Variants in MACROD2 observed in about 807,000 individuals in gnomAD.
The protein encoded by MACROD2 is mono-ADP ribosylhydrolase 2, also known as ADP-ribose glycohydrolase MACROD2.
Under a neutral mutation model 70.4 loss-of-function variants are expected in MACROD2, and 36 were observed. The observed-to-expected ratio is 0.51, with a 90% CI of 0.39 to 0.68. MACROD2 has a LOEUF of 0.68. Among genes scored for constraint, MACROD2 ranks in the 30% least tolerant of loss-of-function variants. The pLI is 0.00. For missense variants in MACROD2, 496 were observed against 538.4 expected, an observed-to-expected ratio of 0.92 and a Z score of 0.78; for synonymous variants, 172 against 178.8, an observed-to-expected ratio of 0.96 and a Z score of 0.30.
At chr20:15,338,315 A>T (rs1425043526) in intron 6 of MACROD2, among the ~76,000 whole-genome samples, 3 of 151,544 alleles carry the variant, frequency 2.0e-5, no homozygotes, top group Non-Finnish European at 2.9e-5. Context: ...GTTTTTCTTC[A>T]TATGCTGATG....
At chr20:15,701,315 T>A (rs1191650094) in intron 8 of MACROD2, among the ~76,000 whole-genome samples, 1 of 152,348 alleles carries the variant, frequency 6.6e-6, no homozygotes, top group Middle Eastern at 3.4e-3. Context: ...TACAAAAGTA[T>A]GGAGCTGATG....
At chr20:15,972,668 G>T (rs2066248629) in intron 13 of MACROD2, among the ~76,000 whole-genome samples, 1 of 152,048 alleles carries the variant, frequency 6.6e-6, no homozygotes, top group African/African-American at 2.4e-5. Context: ...AAATTAGCAA[G>T]GCACGGTGGT....
chr20:14,874,124 T>A (rs1194644150), intron 5 of MACROD2, among the ~76,000 whole-genome samples: 1 of 152,028 alleles, frequency 6.6e-6, no homozygotes, highest in Non-Finnish European at 1.5e-5. Context: ...TCTGTCTTTT[T>A]AAAGTAAGTA....
At chr20:15,071,223 A>T (rs2075616915) in intron 5 of MACROD2, among the ~76,000 whole-genome samples, 1 of 152,240 alleles carries the variant, frequency 6.6e-6, no homozygotes, top group Non-Finnish European at 1.5e-5. Flanking sequence ...AGAAACATTT[A>T]GGCCATTCGT....
intron 8 of MACROD2, among the ~76,000 whole-genome samples, chr20:15,715,143 T>C (rs1450063543): frequency 2.6e-5 from 4 of 152,172 alleles, no homozygotes; most frequent in African/African-American, 9.7e-5. Context: ...TTTAATTTTA[T>C]GTATAAAATG....
intron 6 of MACROD2, among the ~76,000 whole-genome samples, chr20:15,316,267 GA>G (rs2077809784): frequency 6.6e-6 from 1 of 152,008 alleles, no homozygotes; most frequent in Admixed American, 6.6e-5. Flanking sequence ...CCCAAAGGCA[GA>G]AATGGTCAGA....
Position 14,779,805 on chromosome 20 carries a change from T to G in MACROD2, c.418+94846T>G, listed in dbSNP as rs545596716. Among the ~76,000 whole-genome samples, 15 of 152,248 alleles carry G rather than the reference T, an allele frequency of 9.9e-5. No individual in the cohort carries two copies. The South Asian group carries it at 2.9e-3, about 29-fold the overall frequency. Reference sequence around the variant, plus strand: ...CCTTTTATTTTAAAACTTTAGAATATCTTAAATAATTACCAGTCAATATTT... The same window carrying G: ...CCTTTTATTTTAAAACTTTAGAATAGCTTAAATAATTACCAGTCAATATTT... On this transcript the variant is annotated intron_variant, in intron 5 of 17. Transcript: ENST00000684519.
rs560012041 is a variant in MACROD2, at chr20:14,520,162, G to C, written c.301+26654G>C. Reference sequence around the variant, plus strand: ...AAATAACCTGTACAGCAAACCCTGTGACATGAGTTTACATGTATAGCAAAC... The same window carrying C: ...AAATAACCTGTACAGCAAACCCTGTCACATGAGTTTACATGTATAGCAAAC... On this transcript the variant is annotated intron_variant, in intron 4 of 17. Coordinates refer to ENST00000684519, the MANE Select transcript of MACROD2 (RefSeq NM_001351661.2). Among the ~76,000 whole-genome samples, 3 of 152,218 alleles carry C rather than the reference G, an allele frequency of 2.0e-5. No homozygotes were observed. The East Asian group carries it at 5.8e-4, about 29-fold the overall frequency.
At chr20:15,121,513 CAAAAAAAA>C (rs5840653) in intron 5 of MACROD2, among the ~76,000 whole-genome samples, 2 of 122,056 alleles carry the variant, frequency 1.6e-5, no homozygotes, top group South Asian at 2.6e-4. Flanking sequence ...AACTCTGCCT[CAAAAAAAA>C]AAAAAAAAAG....
chr20:15,986,803 TAC>T lies in MACROD2; in HGVS notation c.1060+3_1060+4del. 1 of 1,602,436 alleles carries T rather than the reference TAC, an allele frequency of 6.2e-7. No homozygotes were observed. The highest frequency in any genetic ancestry group is 8.5e-7 in the Non-Finnish European group (1 of 1,170,232). On this transcript the variant is annotated splice_donor_region_variant and intron_variant, in intron 14 of 17. Transcript: ENST00000684519. The stretch of plus-strand genomic sequence containing the variant: ...AGAGCTCATATATGGAAACAGAAGG[TAC>T]TGAAACCAAAATATATTGTTATCAG...
intron 5 of MACROD2, among the ~76,000 whole-genome samples, chr20:15,218,877 T>C (rs532270595): frequency 2.9e-4 from 44 of 151,986 alleles, no homozygotes; most frequent in African/African-American, 1.0e-3. Flanking sequence ...AACACTTGTC[T>C]CTACTAAAAA....
intron 5 of MACROD2, among the ~76,000 whole-genome samples, chr20:14,880,057 T>C (rs1295326112): frequency 2.0e-5 from 3 of 152,280 alleles, no homozygotes; most frequent in Non-Finnish European, 2.9e-5. Context: ...ACAAACTGTG[T>C]GTTGACTGGT....
chr20:14,320,679 T>C (rs2082651482), intron 3 of MACROD2, among the ~76,000 whole-genome samples: 1 of 103,004 alleles, frequency 9.7e-6, no homozygotes, highest in African/African-American at 3.1e-5. Context: ...TTTTTTTTTT[T>C]TTTTTTTTTG....
At chr20:15,404,533 C>T (rs1028971915) in intron 6 of MACROD2, among the ~76,000 whole-genome samples, 8 of 152,188 alleles carry the variant, frequency 5.3e-5, no homozygotes, top group African/African-American at 1.9e-4. Context: ...CCCACTGCAA[C>T]CTCTGGGCCA....
intron 8 of MACROD2, among the ~76,000 whole-genome samples, chr20:15,650,207 G>A (rs1179419517): frequency 6.6e-6 from 1 of 152,158 alleles, no homozygotes; most frequent in African/African-American, 2.4e-5. Flanking sequence ...AGCAATGCCA[G>A]CTTTAATGGA....
intron 6 of MACROD2, among the ~76,000 whole-genome samples, chr20:15,284,481 A>G (rs1274296791): frequency 1.8e-4 from 28 of 152,140 alleles, no homozygotes. Context: ...GTTTGTTTCC[A>G]TAGGTAAAAG....
chr20:14,869,023 C>A (rs899941156), intron 5 of MACROD2, among the ~76,000 whole-genome samples: 1 of 152,038 alleles, frequency 6.6e-6, no homozygotes, highest in Non-Finnish European at 1.5e-5. Flanking sequence ...TCCAAAAGAT[C>A]ACAACAGAGC....
chr20:14,160,905 C>T (rs6042562), intron 3 of MACROD2, among the ~76,000 whole-genome samples: 1,975 of 152,078 alleles, frequency 0.013, 43 homozygotes, highest in African/African-American at 0.045. Flanking sequence ...TATTGCATAA[C>T]GTTTGGGTTT....
chr20:15,479,365 C>T (rs1028677272), intron 7 of MACROD2, among the ~76,000 whole-genome samples: 5 of 148,968 alleles, frequency 3.4e-5, no homozygotes, highest in East Asian at 2.0e-4. Context: ...CTCCGCCTCC[C>T]GGGTTCACGC....
Sources: gnomAD v4.1 joint callset for allele counts (sites outside exome capture counted in the v4.1 genomes callset) on GRCh38, gnomAD v4.1.1 for gene constraint, MANE v1.5 for transcripts, NCBI Gene and HGNC (gene_info 2026-07-23, HGNC 2026-07-21) for gene names.